The following FRMD6 variants were observed in gnomAD, a reference collection of about 807,000 sequenced individuals.
FRMD6 encodes the protein FERM domain-containing protein 6.
A neutral mutation model predicts 73.2 loss-of-function variants in FRMD6; 37 were observed. The ratio of observed to expected loss-of-function variants is 0.51; its 90% CI spans 0.39 to 0.66. The LOEUF is 0.66. FRMD6 is among the 30% of genes least tolerant of loss of function. The pLI, the probability that FRMD6 is intolerant of heterozygous loss-of-function variation, is 0.00. For missense variants in FRMD6, 714 were observed against 780.5 expected (o/e 0.91, Z 1.02); for synonymous variants, 273 against 282.2 (o/e 0.97, Z 0.33).
intron 2 of FRMD6, among the ~76,000 whole-genome samples, chr14:51,581,535 C>A (rs562759836): frequency 6.6e-6 from 1 of 152,228 alleles, no homozygotes; most frequent in African/African-American, 2.4e-5. Flanking sequence ...AGTCAAGTAC[C>A]AATTCAAAAG....
intron 2 of FRMD6, among the ~76,000 whole-genome samples, chr14:51,644,353 TCACACACACACACACACACA>T (rs375341468): frequency 2.1e-5 from 3 of 142,072 alleles, no homozygotes; most frequent in Admixed American, 7.2e-5. Flanking sequence ...GCCTCACCCT[TCACACACACACACACACACA>T]CACACACACA....
At chr14:51,501,858 C>T (rs937839468) in intron 1 of FRMD6, among the ~76,000 whole-genome samples, 2 of 152,104 alleles carry the variant, frequency 1.3e-5, no homozygotes, top group African/African-American at 4.8e-5. Context: ...AAAAGTGTTC[C>T]TTTTAATCTG....
intron 1 of FRMD6, among the ~76,000 whole-genome samples, chr14:51,506,249 C>T (rs189489240): frequency 2.0e-5 from 3 of 152,304 alleles, no homozygotes; most frequent in African/African-American, 7.2e-5. Flanking sequence ...TAAATATTGC[C>T]TTCTCTGCAA....
At chr14:51,688,640 A>G (rs1264226104) in intron 1 of FRMD6, among the ~76,000 whole-genome samples, 2 of 152,286 alleles carry the variant, frequency 1.3e-5, no homozygotes, top group South Asian at 2.1e-4. Flanking sequence ...CGTCCTACAA[A>G]TGTAGCTGGA....
intron 1 of FRMD6, among the ~76,000 whole-genome samples, chr14:51,659,356 G>T: frequency 6.6e-6 from 1 of 152,228 alleles, no homozygotes; most frequent in East Asian, 1.9e-4. Flanking sequence ...AAGACAAAAA[G>T]AAGTGATGTA....
At chr14:51,536,725 A>C (rs1432856828) in intron 1 of FRMD6, among the ~76,000 whole-genome samples, 1 of 152,180 alleles carries the variant, frequency 6.6e-6, no homozygotes, top group African/African-American at 2.4e-5. Flanking sequence ...CCTCTTGTCC[A>C]TATTTTTAAA....
intron 2 of FRMD6, among the ~76,000 whole-genome samples, chr14:51,631,128 A>C (rs1031943324): frequency 2.0e-5 from 3 of 152,154 alleles, no homozygotes; most frequent in Non-Finnish European, 4.4e-5. Flanking sequence ...TGAGAAACTG[A>C]GAAGTTCCAG....
In FRMD6 at chr14:51,712,567, C is replaced by T; in HGVS notation, c.849+16C>T. 1 of 1,527,132 alleles carries T rather than the reference C, an allele frequency of 6.5e-7. No homozygotes were observed. The highest frequency in any genetic ancestry group is 9.0e-7 in the Non-Finnish European group (1 of 1,105,322). 94.6% of individuals were successfully genotyped at this position (1,527,132 alleles called of 1,614,324 possible). On this transcript the variant is annotated intron_variant, in intron 9 of 13. Coordinates refer to ENST00000344768, the MANE Select transcript of FRMD6 (RefSeq NM_001267046.2). ...GGTGTTTGTGGTAAGTTTAAAATAA[C>T]TGGCTTAAAAGAAAAGTCTCATTAA...
intron 1 of FRMD6, among the ~76,000 whole-genome samples, chr14:51,504,736 C>A (rs777760229): frequency 1.3e-5 from 2 of 152,210 alleles, no homozygotes; most frequent in African/African-American, 2.4e-5. Flanking sequence ...ACCACACAGG[C>A]TGCTCCAGAA....
intron 2 of FRMD6, among the ~76,000 whole-genome samples, chr14:51,633,294 T>A (rs1055116583): frequency 1.3e-5 from 2 of 151,876 alleles, no homozygotes; most frequent in African/African-American, 2.4e-5. Flanking sequence ...TTTTATTTTT[T>A]AAAATCATAT....
the FRMD6 span, chr14:51,436,444 T>C: frequency 3.6e-6 from 2 of 548,774 alleles, no homozygotes; most frequent in South Asian, 3.7e-5. Flanking sequence ...AATTGCTGAA[T>C]AGATTTTTAT....
chr14:51,610,183 C>T (rs944820900), intron 2 of FRMD6, among the ~76,000 whole-genome samples: 1 of 152,118 alleles, frequency 6.6e-6, no homozygotes, highest in Non-Finnish European at 1.5e-5. Context: ...AGCCCTCGGC[C>T]AATGGACCCG....
At chr14:51,572,498 C>G (rs566737739) in intron 2 of FRMD6, among the ~76,000 whole-genome samples, 2 of 152,214 alleles carry the variant, frequency 1.3e-5, no homozygotes, top group South Asian at 4.2e-4. Context: ...TGACATATTG[C>G]CCTGTAGATG....
At chr14:51,648,787 T>A (rs563990204), upstream of FRMD6, among the ~76,000 whole-genome samples, 8 of 152,322 alleles carry the variant, frequency 5.3e-5, no homozygotes, top group East Asian at 7.7e-4. Context: ...GCCTGGTGCA[T>A]GGGAGAACCC....
chr14:51,474,330 A>C, the FRMD6 span, among the ~76,000 whole-genome samples: 1 of 152,228 alleles, frequency 6.6e-6, no homozygotes, highest in Non-Finnish European at 1.5e-5. Context: ...TAAACACTAC[A>C]TCACAAAAGT....
At chr14:51,456,331 G>A in the FRMD6 span, among the ~76,000 whole-genome samples, 2 of 151,914 alleles carry the variant, frequency 1.3e-5, no homozygotes, top group African/African-American at 2.4e-5. Context: ...GCCCCAGTGT[G>A]TGATGTTCCC....
At chr14:51,445,510 T>A in the FRMD6 span, among the ~76,000 whole-genome samples, 1 of 149,618 alleles carries the variant, frequency 6.7e-6, no homozygotes, top group South Asian at 2.1e-4. Flanking sequence ...TCCATGATCA[T>A]AAAGTTATAC....
the FRMD6 span, among the ~76,000 whole-genome samples, chr14:51,422,080 C>A: frequency 2.6e-5 from 4 of 152,110 alleles, no homozygotes; most frequent in Non-Finnish European, 5.9e-5. Flanking sequence ...TTCTTAAAAC[C>A]TTTTTTATAA....
chr14:51,595,751 T>C (rs1889677884), intron 2 of FRMD6, among the ~76,000 whole-genome samples: 2 of 152,266 alleles, frequency 1.3e-5, no homozygotes, highest in Admixed American at 6.5e-5. Flanking sequence ...CTATAGACTA[T>C]GGTTCATGAA....
Sources: allele counts gnomAD v4.1 joint callset (sites outside exome capture counted in the v4.1 genomes callset), GRCh38; gene constraint gnomAD v4.1.1; transcripts MANE v1.5; gene names NCBI Gene and HGNC (gene_info 2026-07-23, HGNC 2026-07-21).